The following ALDH8A1 variants were observed in gnomAD, a reference collection of about 807,000 sequenced individuals.
The protein encoded by ALDH8A1 is 2-aminomuconic semialdehyde dehydrogenase.
In ALDH8A1, 39 loss-of-function variants were observed where a neutral mutation model predicts 43.3. That is an observed-to-expected ratio of 0.90 (90% CI 0.70 to 1.18). ALDH8A1 has a LOEUF of 1.18. Ranked by LOEUF, ALDH8A1 falls within the 50% of genes most tolerant of loss-of-function variation. ALDH8A1 has a pLI of 0.00. For missense variants in ALDH8A1, 605 were observed against 622.6 expected, an observed-to-expected ratio of 0.97 and a Z score of 0.30; for synonymous variants, 233 against 243.5, an observed-to-expected ratio of 0.96 and a Z score of 0.40.
chr6:134,934,522 G>A (rs1392978016), intron 4 of ALDH8A1, among the ~76,000 whole-genome samples: 2 of 152,106 alleles, frequency 1.3e-5, no homozygotes, highest in African/African-American at 4.8e-5. Flanking sequence ...ACGTAGTGAG[G>A]GTTTTCATGT....
chr6:134,918,253 TCACTA>T lies in ALDH8A1; in HGVS notation c.*157_*161del. 1.5e-6 allele frequency: 1 copy of T among 664,194 alleles called. No individual in the cohort carries two copies. The highest frequency in any genetic ancestry group is 2.6e-6 in the Non-Finnish European group (1 of 391,666). 41.1% of individuals were successfully genotyped at this position (664,194 alleles called of 1,614,324 possible). A position where few individuals can be genotyped will look rare whatever the true frequency, so the allele number is the denominator to read the frequency against. On this transcript the variant is annotated 3_prime_UTR_variant, in exon 7 of 7. Coordinates refer to ENST00000265605, the MANE Select transcript of ALDH8A1 (RefSeq NM_022568.4). ...CACATTGAAAATAGACAGTATCTCT[TCACTA>T]GTGGGTAAAGTTACTAAGAACTGAG...
chr6:134,936,937 G>A (rs777745474), intron 4 of ALDH8A1, among the ~76,000 whole-genome samples: 4 of 152,140 alleles, frequency 2.6e-5, no homozygotes, highest in African/African-American at 4.8e-5. Context: ...AGGAACAGAC[G>A]AGAACAGACT....
At position 134,932,938 on chromosome 6, in the gene ALDH8A1, G is replaced by A. The variant is rs1198167575; in HGVS notation, c.687C>T (p.Phe229=). Residue 229 remains phenylalanine, a synonymous_variant, in exon 5 of 7, where the codon TTC becomes TTT. Coordinates refer to ENST00000265605, the MANE Select transcript of ALDH8A1 (RefSeq NM_022568.4). ...VSHPEVPLIS[F]TGSQPTAERI... is the part of the protein sequence containing the mutation. Reference sequence around the variant, plus strand: ...GCTCAGCGGTGGGCTGGCTCCCGGTGAAGGAGATCAGGGGCACCTCTGGGT... The same window carrying A: ...GCTCAGCGGTGGGCTGGCTCCCGGTAAAGGAGATCAGGGGCACCTCTGGGT... 35 of 1,614,012 alleles carry A rather than the reference G, an allele frequency of 2.2e-5. No individual in the cohort carries two copies. Among genetic ancestry groups the A allele is most frequent in the African/African-American group, 2.7e-5 (2 of 74,942 alleles).
At chr6:134,923,692 T>C (rs1278684179) in intron 6 of ALDH8A1, among the ~76,000 whole-genome samples, 2 of 152,200 alleles carry the variant, frequency 1.3e-5, no homozygotes, top group East Asian at 3.9e-4. Flanking sequence ...TTAAAAATAT[T>C]GAATATAATA....
intron 1 of ALDH8A1, among the ~76,000 whole-genome samples, chr6:134,945,542 C>T (rs990628177): frequency 1.1e-4 from 17 of 152,256 alleles, no homozygotes; most frequent in East Asian, 7.7e-4. Flanking sequence ...CTCTTCTCTC[C>T]GGCAATGTCT....
At chr6:134,938,050 T>C (rs1490862606) in intron 4 of ALDH8A1, among the ~76,000 whole-genome samples, 1 of 152,174 alleles carries the variant, frequency 6.6e-6, no homozygotes, top group African/African-American at 2.4e-5. Context: ...TTAATGTGTA[T>C]GTCTGTGCTT....
At chr6:134,921,621 T>C (rs1462211329) in intron 6 of ALDH8A1, among the ~76,000 whole-genome samples, 1 of 152,228 alleles carries the variant, frequency 6.6e-6, no homozygotes, top group Non-Finnish European at 1.5e-5. Context: ...AATTGGATTA[T>C]TTCACCAAAG....
At chr6:134,937,297 C>A (rs780396733) in intron 4 of ALDH8A1, among the ~76,000 whole-genome samples, 5 of 152,214 alleles carry the variant, frequency 3.3e-5, no homozygotes, top group Non-Finnish European at 7.3e-5. Context: ...CTTTTCCCTC[C>A]CCTACTAAAA....
chr6:134,944,102 C>G (rs927311877), intron 1 of ALDH8A1, 136 bp from the exon 2 acceptor site: 2 of 1,238,018 alleles, frequency 1.6e-6, no homozygotes, highest in Non-Finnish European at 2.2e-6. Context: ...GATTCTCACT[C>G]TGTAGCCCAG....
Position 134,932,888 on chromosome 6 carries a change from T to TG in ALDH8A1, c.736dup (p.His246ProfsTer19). On this transcript the variant is annotated frameshift_variant, in exon 5 of 7. Transcript: ENST00000265605. LOFTEE classifies it high-confidence loss of function. ...CAGCTCCAGGGAGAGCTTTTTGCAG[T>TG]GGGGAGCGCTCAGCTGGGTGATCCG... 6.2e-7 allele frequency: 1 copy of TG among 1,614,180 alleles called. No individual in the cohort carries two copies. Among genetic ancestry groups the TG allele is most frequent in the South Asian group, 1.1e-5 (1 of 91,084 alleles).
At chr6:134,919,200 A>G (rs1414173386) in intron 6 of ALDH8A1, among the ~76,000 whole-genome samples, 3 of 152,224 alleles carry the variant, frequency 2.0e-5, no homozygotes, top group Non-Finnish European at 4.4e-5. Flanking sequence ...CTATTTGCTG[A>G]TAGTATAATT....
intron 5 of ALDH8A1, among the ~76,000 whole-genome samples, chr6:134,931,255 TTTTG>T (rs140127049): frequency 2.4e-4 from 36 of 152,132 alleles, no homozygotes; most frequent in African/African-American, 6.5e-4. Flanking sequence ...TCAGAATTTG[TTTTG>T]TTTGTTTGTT....
chr6:134,918,436 T>A lies in ALDH8A1; in HGVS notation c.1443A>T (p.Lys481Asn), dbSNP rs1776741856. ...KDSYDFFTEIKTITVKH is the reference protein window; with the variant it reads ...KDSYDFFTEINTITVKH ...AAGATCAGTGTTTAACGGTGATGGTTTTGATCTCAGTGAAGAAGTCGTAAG... is the reference window on the plus strand; with the variant it reads ...AAGATCAGTGTTTAACGGTGATGGTATTGATCTCAGTGAAGAAGTCGTAAG... Residue 481 changes from lysine to asparagine, a missense_variant, in exon 7 of 7, where the codon AAA becomes AAT. By Grantham distance (94) the Lys-to-Asn change is moderately conservative. Transcript: ENST00000265605. 1 of 1,614,014 alleles carries A rather than the reference T, an allele frequency of 6.2e-7. No individual in the cohort carries two copies. The highest frequency in any genetic ancestry group is 1.7e-5 in the Admixed American group (1 of 59,992).
chr6:134,923,627 G>C (rs1162786251), intron 6 of ALDH8A1, among the ~76,000 whole-genome samples: 2 of 152,214 alleles, frequency 1.3e-5, no homozygotes, highest in African/African-American at 4.8e-5. Flanking sequence ...TCTGGATTTA[G>C]ATACGTCCAG....
intron 1 of ALDH8A1, among the ~76,000 whole-genome samples, chr6:134,947,857 A>ATC (rs1562262086): frequency 6.6e-6 from 1 of 150,522 alleles, no homozygotes; most frequent in Non-Finnish European, 1.5e-5. Context: ...AAAAAAAAAA[A>ATC]TAAAAATAGA....
chr6:134,918,507 C>T lies in ALDH8A1; in HGVS notation c.1372G>A (p.Gly458Arg), dbSNP rs776026319. The change falls in exon 7 of 7, where the codon GGG becomes AGG. Residue 458 changes from glycine to arginine, a missense_variant. Physicochemically the swap from Gly to Arg is moderately radical, Grantham distance 125. Coordinates refer to ENST00000265605, the MANE Select transcript of ALDH8A1 (RefSeq NM_022568.4). ...CCTATTCCAGAACTCTTCATCCCCC[C>T]GAAAGGAAGGTTCAGCTCCCTGATG... ...WLIRELNLPF[G>R]GMKSSGIGRE... 5.6e-6 allele frequency: 9 copies of T among 1,614,040 alleles called. No homozygotes were observed. The highest frequency in any genetic ancestry group is 1.1e-5 in the South Asian group (1 of 91,076).
chr6:134,918,393 G>C lies in ALDH8A1; in HGVS notation c.*22C>G, dbSNP rs763336512. On this transcript the variant is annotated 3_prime_UTR_variant, in exon 7 of 7. Coordinates refer to ENST00000265605, the MANE Select transcript of ALDH8A1 (RefSeq NM_022568.4). ...TGCCTGCAGCCAGGCATTGGCCATA[G>C]TGGCTCCACCATTAGCAAAGATCAG... 1.9e-6 allele frequency: 3 copies of C among 1,603,886 alleles called. No homozygotes were observed. The highest frequency in any genetic ancestry group is 1.3e-5 in the African/African-American group (1 of 74,662).
chr6:134,925,432 C>T (rs1376909523), intron 6 of ALDH8A1, among the ~76,000 whole-genome samples: 7 of 152,150 alleles, frequency 4.6e-5, no homozygotes, highest in African/African-American at 1.7e-4. Flanking sequence ...CTTTCGGAGT[C>T]TTGATGCTGG....
chr6:134,929,284 T>C, intron 5 of ALDH8A1, 69 bp from the exon 6 acceptor site: 1 of 1,538,380 alleles, frequency 6.5e-7, no homozygotes, highest in Non-Finnish European at 8.8e-7. Flanking sequence ...CCTGCACTTT[T>C]GAGTACCTGC....
Sources: gnomAD v4.1 joint callset for allele counts (sites outside exome capture counted in the v4.1 genomes callset) on GRCh38, gnomAD v4.1.1 for gene constraint, MANE v1.5 for transcripts, NCBI Gene and HGNC (gene_info 2026-07-23, HGNC 2026-07-21) for gene names.